The following WHAMM variants were observed in gnomAD, a reference collection of about 807,000 sequenced individuals.
The protein encoded by WHAMM is WASP homolog-associated protein with actin, membranes and microtubules.
In WHAMM, 67 loss-of-function variants were observed where a neutral mutation model predicts 76.5. The ratio of observed to expected loss-of-function variants is 0.88; its 90% CI spans 0.72 to 1.07. WHAMM has a LOEUF of 1.07. Among genes scored for constraint, WHAMM ranks in the 50% least tolerant of loss-of-function variants. The probability of loss-of-function intolerance (pLI) is 0.00; values close to 1 mark genes in which losing one functional copy is unlikely to be tolerated. For synonymous variants in WHAMM, 419 were observed against 422.1 expected, an observed-to-expected ratio of 0.99 and a Z score of 0.09; for missense variants, 1,021 against 1,051.1, an observed-to-expected ratio of 0.97 and a Z score of 0.40.
intron 1 of WHAMM, among the ~76,000 whole-genome samples, chr15:82,811,852 A>T (rs1449354205): frequency 6.7e-6 from 1 of 148,592 alleles, no homozygotes; most frequent in Admixed American, 6.8e-5. Flanking sequence ...GCTTTCACTT[A>T]AAAAAAAAAC....
intron 1 of WHAMM, among the ~76,000 whole-genome samples, 185 bp from the exon 2 acceptor site, chr15:82,812,918 C>A (rs1226335837): frequency 6.6e-6 from 1 of 152,154 alleles, no homozygotes; most frequent in Non-Finnish European, 1.5e-5. Context: ...TCATACTTTT[C>A]TTAACCATTC....
intron 6 of WHAMM, among the ~76,000 whole-genome samples, chr15:82,824,437 C>T (rs1596284954): frequency 1.3e-5 from 2 of 152,302 alleles, no homozygotes; most frequent in African/African-American, 4.8e-5. Flanking sequence ...AAGCCTGCCT[C>T]AGCCCCCTGA....
chr15:82,832,733 A>T (rs1256190275), intron 9 of WHAMM, among the ~76,000 whole-genome samples: 1 of 152,226 alleles, frequency 6.6e-6, no homozygotes, highest in Non-Finnish European at 1.5e-5. Flanking sequence ...CTTCATTGTC[A>T]TAGAATGAGT....
chr15:82,825,665 G>A (rs560657066), intron 6 of WHAMM, among the ~76,000 whole-genome samples: 79 of 152,006 alleles, frequency 5.2e-4, no homozygotes, highest in East Asian at 2.1e-3. Context: ...TGCGGCACCC[G>A]TAATCCCAGC....
intron 9 of WHAMM, 24 bp from the exon 10 acceptor site, chr15:82,833,205 C>T (rs762108715): frequency 3.7e-6 from 6 of 1,606,008 alleles, no homozygotes; most frequent in Non-Finnish European, 5.1e-6. Context: ...ATTGATAGTA[C>T]TAGCTCTGCT....
In WHAMM at chr15:82,823,186, GA is replaced by G; in HGVS notation, c.1358del (p.Asp453ValfsTer6). On this transcript the variant is annotated frameshift_variant, in exon 6 of 10. Transcript: ENST00000286760. LOFTEE classifies it high-confidence loss of function. The stretch of plus-strand genomic sequence containing the variant: ...TGACTGTGTGGTGGGGCTGCAGGAT[GA>G]TAAGAATTTGGAAGTGAAAGAACTC... ...VIDCVVGLQD[D>X]KNLEVKELRR... is the part of the protein sequence containing the mutation. 1.3e-6 allele frequency: 2 copies of G among 1,581,056 alleles called. No homozygotes were observed. Among genetic ancestry groups the G allele is most frequent in the Non-Finnish European group, 1.7e-6 (2 of 1,160,664 alleles).
chr15:82,813,647 A>ATTTTTTTT (rs10563149), intron 2 of WHAMM, among the ~76,000 whole-genome samples: 4 of 60,110 alleles, frequency 6.7e-5, no homozygotes, highest in Non-Finnish European at 8.5e-5. Context: ...CTGGTGATGA[A>ATTTTTTTT]TTTTTTTTTT....
In WHAMM at chr15:82,830,711, T is replaced by C; in HGVS notation, c.1754T>C (p.Val585Ala). 6.2e-7 allele frequency: 1 copy of C among 1,613,992 alleles called. No homozygotes were observed. Among genetic ancestry groups the C allele is most frequent in the Non-Finnish European group, 8.5e-7 (1 of 1,179,892 alleles). Residue 585 changes from valine (V) to alanine (A), a missense_variant, in exon 9 of 10, where the codon GTA becomes GCA. Val to Ala is a moderately conservative substitution (Grantham distance 64, BLOSUM62 0). Around this residue, in one of 3 missense-constraint regions of WHAMM, gnomAD observed 509 missense variants for 492.3 expected, o/e 1.03. Transcript: ENST00000286760. ...TTGCCAGCTTCCCACGCGGTGTCAG[T>C]AATTCACCCGTCCTCTAGGAAAACT... ...MCLPASHAVS[V>A]IHPSSRKTRG...
rs150148152 is a variant in WHAMM, at chr15:82,817,403, T to C, written c.935-517T>C. On this transcript the variant is annotated intron_variant, in intron 3 of 9. Transcript: ENST00000286760. ...GTGGGCTGGGTGAAGGACTTTTTTT[T>C]AGTCTTAAATAATTGTTGATAAAAA... Among the ~76,000 whole-genome samples the C allele has an allele frequency of 3.6e-4, 55 of 152,296 alleles. No homozygotes were observed. In the East Asian group the frequency reaches 0.01, roughly 28 times the overall value.
intron 2 of WHAMM, among the ~76,000 whole-genome samples, chr15:82,816,227 A>G (rs2050723553): frequency 6.6e-6 from 1 of 152,166 alleles, no homozygotes; most frequent in African/African-American, 2.4e-5. Flanking sequence ...GGGGAGTCCA[A>G]TACCAGTACA....
At chr15:82,827,440 A>C (rs2151570790) in intron 8 of WHAMM, among the ~76,000 whole-genome samples, 1 of 152,214 alleles carries the variant, frequency 6.6e-6, no homozygotes, top group South Asian at 2.1e-4. Flanking sequence ...CTTTATTATT[A>C]GAGATAAATT....
intron 1 of WHAMM, among the ~76,000 whole-genome samples, chr15:82,810,963 CA>C (rs1386085314): frequency 6.6e-6 from 1 of 152,134 alleles, no homozygotes; most frequent in Non-Finnish European, 1.5e-5. Flanking sequence ...AGGGGAAGTA[CA>C]AGTTCACAGA....
intron 9 of WHAMM, among the ~76,000 whole-genome samples, chr15:82,832,068 A>T (rs1433487052): frequency 6.6e-6 from 1 of 152,336 alleles, no homozygotes; most frequent in South Asian, 2.1e-4. Context: ...TGCCCTGTGA[A>T]TGAAAAGTAA....
At chr15:82,821,546 CTGTGT>C (rs1289976060) in intron 5 of WHAMM, among the ~76,000 whole-genome samples, 2 of 152,116 alleles carry the variant, frequency 1.3e-5, no homozygotes, top group Non-Finnish European at 2.9e-5. Flanking sequence ...TGGTCTGTTT[CTGTGT>C]TGTTCTCCTC....
chr15:82,823,304 C>A lies in WHAMM; in HGVS notation c.1458+17C>A. On this transcript the variant is annotated intron_variant, in intron 6 of 9. Coordinates refer to ENST00000286760, the MANE Select transcript of WHAMM (RefSeq NM_001080435.3). The stretch of plus-strand genomic sequence containing the variant: ...AGTAGAAAGGTAGGTACGCTCAGAG[C>A]GGCTTTCTTTTCTTTTCTCTTTCAG... 1 of 1,394,450 alleles carries A rather than the reference C, an allele frequency of 7.2e-7. No homozygotes were observed. Among genetic ancestry groups the A allele is most frequent in the Non-Finnish European group, 9.4e-7 (1 of 1,063,456 alleles). The allele number at this position is 1,394,450 out of a possible 1,614,324, so 86.4% of individuals were successfully genotyped here.
At chr15:82,823,393 A>G in intron 6 of WHAMM, 106 bp downstream of exon 6, 5 of 1,012,742 alleles carry the variant, frequency 4.9e-6, no homozygotes. Flanking sequence ...CAGTGATTAC[A>G]TTTTGTGTGC....
rs1240959538 is a variant in WHAMM, at chr15:82,833,257, A to G, written c.2151A>G (p.Leu717=). 1 of 1,613,950 alleles carries G rather than the reference A, an allele frequency of 6.2e-7. No individual in the cohort carries two copies. Among genetic ancestry groups the G allele is most frequent in the South Asian group, 1.1e-5 (1 of 91,056 alleles). ...CTATGGATGAAGTGTTGGCCTCCTT[A>G]AGGCATGGCAGAGCTCCTCTCCGGA... The part of the protein sequence containing the change: ...PGSMDEVLAS[L]RHGRAPLRKV... The change falls in exon 10 of 10, where the codon TTA becomes TTG. Residue 717 remains leucine, a synonymous_variant. Coordinates refer to ENST00000286760, the MANE Select transcript of WHAMM (RefSeq NM_001080435.3).
In WHAMM at chr15:82,826,748, T is replaced by C. The variant is rs371236093; in HGVS notation, c.1546-3T>C. ...TTACAAATATACATTTGTTTAAATA[T>C]AGAAAAGAGACAAGATAAAAGAAGA... is the stretch of plus-strand genomic sequence containing the variant. On this transcript the variant is annotated splice_polypyrimidine_tract_variant and splice_region_variant and intron_variant, in intron 7 of 9. Transcript: ENST00000286760. The C allele has an allele frequency of 5.8e-6, 9 of 1,539,110 alleles. No individual in the cohort carries two copies. In the African/African-American group the frequency reaches 8.4e-5, roughly 14 times the overall value.
At chr15:82,810,558 T>C in intron 1 of WHAMM, 2 of 985,460 alleles carry the variant, frequency 2.0e-6, no homozygotes, top group Non-Finnish European at 2.4e-6. Context: ...AGTTAGAGCC[T>C]AGTGTACTTG....
Sources: gnomAD v4.1 joint callset for allele counts (sites outside exome capture counted in the v4.1 genomes callset) on GRCh38, gnomAD v4.1.1 for gene constraint, gnomAD v4.1.1 regional missense constraint, MANE v1.5 for transcripts, NCBI Gene and HGNC (gene_info 2026-07-23, HGNC 2026-07-21) for gene names.